The following CRYAB variants were observed in gnomAD, a reference collection of about 807,000 sequenced individuals.
CRYAB encodes crystallin alpha B.
A neutral mutation model predicts 12.7 loss-of-function variants in CRYAB; 9 were observed. That is an observed-to-expected ratio of 0.71 (90% CI 0.43 to 1.24). The LOEUF is 1.24. Ranked by LOEUF, CRYAB falls within the 50% of genes most tolerant of loss-of-function variation. The pLI, the probability that CRYAB is intolerant of heterozygous loss-of-function variation, is 0.00. For synonymous variants in CRYAB, 93 were observed against 86.8 expected, an observed-to-expected ratio of 1.07 and a Z score of -0.40; for missense variants, 183 against 226.6, an observed-to-expected ratio of 0.81 and a Z score of 1.24.
upstream of CRYAB, chr11:111,912,878 G>A (rs1555165764): frequency 3.7e-6 from 6 of 1,610,014 alleles, no homozygotes; most frequent in Non-Finnish European, 4.2e-6. Context: ...CGCCGAGTAC[G>A]AATTTGCCAA....
chr11:111,908,973 C>T lies in CRYAB; in HGVS notation c.325-6G>A, dbSNP rs376641676. On this transcript the variant is annotated splice_polypyrimidine_tract_variant and splice_region_variant and intron_variant, in intron 2 of 2. Transcript: ENST00000650687. ...GAGATGAAACCATGTTCATCCTAAC[C>T]CAAAAGAATGAGGAAAGAGGCAGAG... 1 of 1,613,942 alleles carries T rather than the reference C, an allele frequency of 6.2e-7. No individual in the cohort carries two copies. Among genetic ancestry groups the T allele is most frequent in the Non-Finnish European group, 8.5e-7 (1 of 1,179,944 alleles).
intron 1 of CRYAB, chr11:111,919,257 G>A (rs1233803600): frequency 2.0e-6 from 1 of 505,324 alleles, no homozygotes; most frequent in Non-Finnish European, 3.6e-6. Flanking sequence ...GGCGGATCAC[G>A]AGGTCAGTAG....
chr11:111,909,113 G>GT (rs1311477400), intron 2 of CRYAB, 146 bp from the exon 3 acceptor site: 1 of 822,550 alleles, frequency 1.2e-6, no homozygotes, highest in African/African-American at 1.7e-5. Context: ...TCGTTTCAGG[G>GT]TTGCAGCTAA....
At chr11:111,922,979 T>C (rs1382221043) in intron 1 of CRYAB, among the ~76,000 whole-genome samples, 2 of 152,238 alleles carry the variant, frequency 1.3e-5, no homozygotes, top group Non-Finnish European at 2.9e-5. Flanking sequence ...GAATACTCAC[T>C]CCATTTGGGT....
At chr11:111,912,680 C>CA, upstream of CRYAB, 1 of 523,448 alleles carries the variant, frequency 1.9e-6, no homozygotes, top group Non-Finnish European at 3.4e-6. Context: ...CTCCCAGCCC[C>CA]TCCCCCCCCA....
In CRYAB at chr11:111,908,895, T is replaced by C. The variant is rs782672409; in HGVS notation, c.397A>G (p.Ile133Val). The C allele has an allele frequency of 6.2e-7, 1 of 1,614,096 alleles. No individual in the cohort carries two copies. The highest frequency in any genetic ancestry group is 8.5e-7 in the Non-Finnish European group (1 of 1,180,008). Residue 133 changes from isoleucine to valine, a missense_variant, in exon 3 of 3, where the codon ATT (isoleucine) becomes GTT (valine). Ile to Val is a conservative substitution (Grantham distance 29, BLOSUM62 3). Coordinates refer to ENST00000650687, the MANE Select transcript of CRYAB (RefSeq NM_001289808.2). ...CCATCAGATGACAGGGATGAAGTAA[T>C]GGTGAGAGGGTCTACATCAGCTGGG... Reference protein sequence around the residue: ...RIPADVDPLTITSSLSSDGVL... With the variant: ...RIPADVDPLTVTSSLSSDGVL...
chr11:111,917,052 TG>T (rs1814021846), upstream of CRYAB, among the ~76,000 whole-genome samples: 1 of 151,982 alleles, frequency 6.6e-6, no homozygotes, highest in South Asian at 2.1e-4. Context: ...GTAGAGATGA[TG>T]GGTTGTTGCT....
rs542750953 is a variant in CRYAB, at chr11:111,911,051, C to T, written c.201+473G>A. 7.9e-5 allele frequency among the ~76,000 whole-genome samples: 12 copies of T among 152,258 alleles called. No homozygotes were observed. In the South Asian group the frequency reaches 1.5e-3, roughly 18 times the overall value. Reference sequence around the variant, plus strand: ...GATTGGACCCAGGCCAGCGCCCTGTCGTAGCCCTGAGAAACCCAGAAAATC... The same window carrying T: ...GATTGGACCCAGGCCAGCGCCCTGTTGTAGCCCTGAGAAACCCAGAAAATC... On this transcript the variant is annotated intron_variant, in intron 1 of 2. Coordinates refer to ENST00000650687, the MANE Select transcript of CRYAB (RefSeq NM_001289808.2).
At chr11:111,921,454 A>G (rs1965697405) in intron 1 of CRYAB, among the ~76,000 whole-genome samples, 2 of 152,204 alleles carry the variant, frequency 1.3e-5, no homozygotes, top group African/African-American at 4.8e-5. Context: ...CATCATGGAA[A>G]ATTTTACTCT....
At chr11:111,912,992 G>C, upstream of CRYAB, 1 of 1,030,758 alleles carries the variant, frequency 9.7e-7, no homozygotes. Context: ...ACCTCCCAAC[G>C]TTGCTGGCCT....
chr11:111,915,277 G>T (rs782027829), upstream of CRYAB, among the ~76,000 whole-genome samples: 1 of 152,140 alleles, frequency 6.6e-6, no homozygotes, highest in Non-Finnish European at 1.5e-5. Context: ...GGACCTCCAG[G>T]ATAACAGAAC....
At chr11:111,921,092 C>A (rs886380974) in intron 1 of CRYAB, among the ~76,000 whole-genome samples, 1 of 152,308 alleles carries the variant, frequency 6.6e-6, no homozygotes, top group South Asian at 2.1e-4. Context: ...GCCTTCCATG[C>A]CTGGGGCAGA....
At chr11:111,918,615 A>G (rs1393491379) in intron 1 of CRYAB, 6 of 660,940 alleles carry the variant, frequency 9.1e-6, no homozygotes, top group African/African-American at 7.2e-5. Context: ...ATATATTTCA[A>G]AGACAGAGTG....
chr11:111,923,169 G>T (rs373578140), intron 1 of CRYAB, among the ~76,000 whole-genome samples: 2 of 152,338 alleles, frequency 1.3e-5, no homozygotes, highest in South Asian at 4.1e-4. Flanking sequence ...TTAGGATAAG[G>T]CTGACTGAGC....
chr11:111,914,307 G>C (rs1555165982), upstream of CRYAB, among the ~76,000 whole-genome samples: 1 of 152,192 alleles, frequency 6.6e-6, no homozygotes, highest in African/African-American at 2.4e-5. Flanking sequence ...CAACAAAAGA[G>C]AGAGTGATCC....
chr11:111,918,941 A>G, intron 1 of CRYAB: 1 of 1,614,110 alleles, frequency 6.2e-7, no homozygotes, highest in Admixed American at 1.7e-5. Flanking sequence ...TGATGCATAA[A>G]AACAGCTGGG....
chr11:111,919,978 G>T (rs368788397), intron 1 of CRYAB, among the ~76,000 whole-genome samples: 1 of 151,566 alleles, frequency 6.6e-6, no homozygotes, highest in Non-Finnish European at 1.5e-5. Flanking sequence ...GGTGGATCAC[G>T]AGGTCAGGAG....
intron 1 of CRYAB, among the ~76,000 whole-genome samples, chr11:111,920,587 G>C (rs1424335102): frequency 6.6e-6 from 1 of 151,294 alleles, no homozygotes; most frequent in African/African-American, 2.4e-5. Flanking sequence ...AACATAGGGT[G>C]GCCCCATCTC....
At chr11:111,914,032 T>C (rs1372942972), upstream of CRYAB, 1 of 793,258 alleles carries the variant, frequency 1.3e-6, no homozygotes, top group African/African-American at 1.7e-5. Flanking sequence ...TTTGGTCCCA[T>C]GGGACATGTC....
Sources: allele counts gnomAD v4.1 joint callset (sites outside exome capture counted in the v4.1 genomes callset), GRCh38; gene constraint gnomAD v4.1.1; transcripts MANE v1.5; gene names NCBI Gene and HGNC (gene_info 2026-07-23, HGNC 2026-07-21).